Variants in ANK3 observed in about 807,000 individuals in gnomAD.
ANK3 encodes ankyrin 3.
ANK3 carries 57 observed loss-of-function variants against 370.9 expected under a neutral mutation model. The ratio of observed to expected loss-of-function variants is 0.15; its 90% CI spans 0.12 to 0.19. ANK3 has a LOEUF of 0.19. Among genes scored for constraint, ANK3 ranks in the 10% least tolerant of loss-of-function variants. ANK3 has a pLI of 1.00. For synonymous variants in ANK3, 1,929 were observed against 1,946.3 expected, an observed-to-expected ratio of 0.99 and a Z score of 0.23; for missense variants, 4,439 against 5,302.1, an observed-to-expected ratio of 0.84 and a Z score of 5.06.
chr10:60,733,227 A>T, intron 1 of ANK3: 1 of 1,238,850 alleles, frequency 8.1e-7, no homozygotes, highest in Non-Finnish European at 1.0e-6. Context: ...CCCTGGGTGA[A>T]GGCAGCCGCA....
At position 60,085,145 on chromosome 10, in the gene ANK3, T is replaced by A; in HGVS notation, c.3845+12A>T. 1 of 1,602,456 alleles carries A rather than the reference T, an allele frequency of 6.2e-7. No individual in the cohort carries two copies. Among genetic ancestry groups the A allele is most frequent in the Non-Finnish European group, 8.5e-7 (1 of 1,173,256 alleles). On this transcript the variant is annotated intron_variant, in intron 31 of 43. Coordinates refer to ENST00000280772, the MANE Select transcript of ANK3 (RefSeq NM_020987.5). ...ATTCCTTACTGCTTTTTGGAATCCT[T>A]TATTTCCATACCTGGCTGAAACATT...
chr10:60,684,411 T>A, intron 1 of ANK3: 1 of 690,790 alleles, frequency 1.4e-6, no homozygotes, highest in Non-Finnish European at 2.3e-6. Flanking sequence ...GGAAGGATGG[T>A]TAGTCAATCT....
intron 1 of ANK3, among the ~76,000 whole-genome samples, chr10:60,328,862 A>C (rs1255680381): frequency 1.3e-5 from 2 of 152,216 alleles, no homozygotes; most frequent in African/African-American, 4.8e-5. Context: ...ATCCCTGATG[A>C]ACATCAATGT....
Position 60,074,296 on chromosome 10 carries a change from T to C in ANK3, c.6585A>G (p.Lys2195=), listed in dbSNP as rs1564812323. 2 of 1,613,996 alleles carry C rather than the reference T, an allele frequency of 1.2e-6. No individual in the cohort carries two copies. Among genetic ancestry groups the C allele is most frequent in the African/African-American group, 2.7e-5 (2 of 75,002 alleles). Residue 2195 remains lysine (K), a synonymous_variant, in exon 37 of 44, where the codon AAA becomes AAG. Coordinates refer to ENST00000280772, the MANE Select transcript of ANK3 (RefSeq NM_020987.5). The stretch of plus-strand genomic sequence containing the variant: ...CCAATTCCATAAAAGTAGGTGAAGG[T>C]TTAGGTGACACAGGCTCCTCTGGTT... ...QTQPEEPVSP[K]PSPTFMELEP... is the part of the protein sequence containing the mutation.
intron 1 of ANK3, among the ~76,000 whole-genome samples, chr10:60,677,243 G>T (rs2079136999): frequency 1.3e-5 from 2 of 152,124 alleles, no homozygotes; most frequent in South Asian, 4.1e-4. Context: ...TTCTTTCAAA[G>T]AACTGAATGA....
At position 60,389,731 on chromosome 10, in the gene ANK3, G is replaced by A. The variant is rs548548943; in HGVS notation, c.-193C>T. ...TTTAAAAACCCAAATGATGGTGTCCGGACTTCATCCTACACCTTCCTCTAC... is the reference window on the plus strand; with the variant it reads ...TTTAAAAACCCAAATGATGGTGTCCAGACTTCATCCTACACCTTCCTCTAC... On this transcript the variant is annotated 5_prime_UTR_variant, in exon 1 of 44. Transcript: ENST00000280772. 175 of 1,424,788 alleles carry A rather than the reference G, an allele frequency of 1.2e-4. No homozygotes were observed. The highest frequency in any genetic ancestry group is 2.0e-4 in the South Asian group (13 of 64,972). The allele number at this position is 1,424,788 out of a possible 1,614,324, so 88.3% of individuals were successfully genotyped here.
chr10:60,335,193 C>T (rs1292796432), intron 1 of ANK3, among the ~76,000 whole-genome samples: 1 of 152,086 alleles, frequency 6.6e-6, no homozygotes, highest in African/African-American at 2.4e-5. Flanking sequence ...CTCCTGGATG[C>T]TCAAGAACAA....
intron 24 of ANK3, 156 bp downstream of exon 24, chr10:60,138,805 TAGC>T: frequency 1.2e-6 from 1 of 843,830 alleles, no homozygotes; most frequent in Non-Finnish European, 1.8e-6. Context: ...CAAAAGAAAA[TAGC>T]AGAGCATGTG....
intron 1 of ANK3, among the ~76,000 whole-genome samples, chr10:60,284,103 T>C (rs2098206999): frequency 1.3e-5 from 2 of 151,970 alleles, no homozygotes; most frequent in South Asian, 4.2e-4. Flanking sequence ...CTGGTGACCT[T>C]ATAAGAAGAG....
intron 1 of ANK3, among the ~76,000 whole-genome samples, chr10:60,350,685 C>A (rs2132695321): frequency 6.6e-6 from 1 of 152,306 alleles, no homozygotes; most frequent in Middle Eastern, 3.4e-3. Context: ...ATAAAAGCAA[C>A]TGAAGGTTGC....
chr10:60,644,637 T>C (rs977355341), intron 1 of ANK3, among the ~76,000 whole-genome samples: 4 of 152,116 alleles, frequency 2.6e-5, no homozygotes, highest in African/African-American at 9.7e-5. Context: ...TACACTATTC[T>C]TGGCAAATAA....
chr10:60,116,078 T>G (rs1424464968), intron 25 of ANK3, among the ~76,000 whole-genome samples: 1 of 152,130 alleles, frequency 6.6e-6, no homozygotes, highest in Non-Finnish European at 1.5e-5. Context: ...TGATTTGACC[T>G]TCATAATCCC....
chr10:60,139,063 G>A lies in ANK3; in HGVS notation c.2639C>T (p.Thr880Ile), dbSNP rs1241077504. 2 of 1,613,678 alleles carry A rather than the reference G, an allele frequency of 1.2e-6. No homozygotes were observed. The highest frequency in any genetic ancestry group is 1.1e-5 in the South Asian group (1 of 91,032). The change falls in exon 24 of 44, where the codon ACA (threonine) becomes ATA (isoleucine). Residue 880 changes from threonine (T) to isoleucine (I), a missense_variant. Thr to Ile is a moderately conservative substitution (Grantham distance 89, BLOSUM62 -1). Around this residue, in one of 13 missense-constraint regions of ANK3, gnomAD observed 702 missense variants for 941.5 expected, o/e 0.75. Coordinates refer to ENST00000280772, the MANE Select transcript of ANK3 (RefSeq NM_020987.5). ...EEGEDAMTGDTDKYLGPQDLK... is the reference protein window; with the variant it reads ...EEGEDAMTGDIDKYLGPQDLK... Reference sequence around the variant, plus strand: ...GTCCTGTGGCCCAAGATATTTGTCTGTGTCCCCGGTCATTGCATCTTCACC... The same window carrying A: ...GTCCTGTGGCCCAAGATATTTGTCTATGTCCCCGGTCATTGCATCTTCACC...
chr10:60,139,008 A>G lies in ANK3; in HGVS notation c.2694T>C (p.Pro898=). The change falls in exon 24 of 44, where the codon CCT becomes CCC. Residue 898 remains proline (P), a synonymous_variant. Coordinates refer to ENST00000280772, the MANE Select transcript of ANK3 (RefSeq NM_020987.5). ...GACTAAAGCCCATGTAACCCTCTGC[A>G]GGCAGGGAATCATCACCCAATTCCT... ...DLKELGDDSL[P]AEGYMGFSLG... The G allele has an allele frequency of 6.2e-7, 1 of 1,613,840 alleles. No homozygotes were observed. Among genetic ancestry groups the G allele is most frequent in the East Asian group, 2.2e-5 (1 of 44,872 alleles).
chr10:60,052,836 TA>T (rs61646753), intron 42 of ANK3, among the ~76,000 whole-genome samples: 8,285 of 148,846 alleles, frequency 0.056, 280 homozygotes, highest in Middle Eastern at 0.13. Flanking sequence ...AGTATTTGTT[TA>T]AAAAAAAAAA....
At chr10:60,223,766 T>C (rs977694346) in intron 8 of ANK3, among the ~76,000 whole-genome samples, 2 of 152,190 alleles carry the variant, frequency 1.3e-5, no homozygotes, top group African/African-American at 4.8e-5. Flanking sequence ...GACTTGTAAA[T>C]TGGGATTTGA....
chr10:60,578,171 T>C (rs888395361), intron 2 of ANK3, among the ~76,000 whole-genome samples: 2 of 152,224 alleles, frequency 1.3e-5, no homozygotes, highest in Admixed American at 6.5e-5. Flanking sequence ...TCCTGGTTAT[T>C]CAGCCATATG....
chr10:60,360,108 C>T (rs1572851), intron 1 of ANK3, among the ~76,000 whole-genome samples: 1 of 152,164 alleles, frequency 6.6e-6, no homozygotes, highest in Non-Finnish European at 1.5e-5. Flanking sequence ...TATAGAGCTT[C>T]TTAACCACAG....
At chr10:60,208,370 C>T in intron 9 of ANK3, 137 bp from the exon 10 acceptor site, 1 of 766,732 alleles carries the variant, frequency 1.3e-6, no homozygotes, top group East Asian at 2.7e-5. Context: ...AAGCTTTTGA[C>T]AACTATTTTG....
Sources: allele counts gnomAD v4.1 joint callset (sites outside exome capture counted in the v4.1 genomes callset), GRCh38; gene constraint gnomAD v4.1.1; regional missense constraint gnomAD v4.1.1; transcripts MANE v1.5; gene names NCBI Gene and HGNC (gene_info 2026-07-23, HGNC 2026-07-21).